Variants in MAP2K4 observed in about 807,000 individuals in gnomAD.
MAP2K4 encodes dual specificity mitogen-activated protein kinase kinase 4.
A neutral mutation model predicts 48.5 loss-of-function variants in MAP2K4; 4 were observed. The ratio of observed to expected loss-of-function variants is 0.08; its 90% CI spans 0.04 to 0.19. The LOEUF is 0.19. MAP2K4 is among the 10% of genes least tolerant of loss of function. The pLI is 1.00. For synonymous variants in MAP2K4, 166 were observed against 173.1 expected, an observed-to-expected ratio of 0.96 and a Z score of 0.32; for missense variants, 258 against 493.3, an observed-to-expected ratio of 0.52 and a Z score of 4.52.
chr17:12,085,336 G>C (rs539561293), intron 3 of MAP2K4, among the ~76,000 whole-genome samples: 49 of 152,052 alleles, frequency 3.2e-4, no homozygotes, highest in African/African-American at 1.1e-3. Flanking sequence ...ATATTGAGCA[G>C]GTAGGTGGGA....
chr17:12,121,837 A>G (rs1476954272), intron 7 of MAP2K4, among the ~76,000 whole-genome samples: 2 of 152,186 alleles, frequency 1.3e-5, no homozygotes, highest in Admixed American at 6.5e-5. Context: ...TACTATTTGT[A>G]ATGTTTACAG....
At chr17:12,090,582 C>T (rs1485490513) in intron 3 of MAP2K4, among the ~76,000 whole-genome samples, 1 of 152,156 alleles carries the variant, frequency 6.6e-6, no homozygotes, top group Non-Finnish European at 1.5e-5. Flanking sequence ...CTTTGCCACA[C>T]TTGAGTCTTC....
intron 3 of MAP2K4, among the ~76,000 whole-genome samples, chr17:12,085,183 G>A (rs568309423): frequency 2.0e-5 from 3 of 152,220 alleles, no homozygotes; most frequent in Admixed American, 6.5e-5. Flanking sequence ...CCAAAGAAAC[G>A]TGAAAAAGTA....
In MAP2K4 at chr17:12,096,086, C is replaced by A. The variant is rs991392358; in HGVS notation, c.513+392C>A. Among the ~76,000 whole-genome samples, 53 of 52,534 alleles carry A rather than the reference C, an allele frequency of 1.0e-3. 9 individuals carry two copies. Among genetic ancestry groups the A allele is most frequent in the African/African-American group, 2.2e-3 (39 of 17,494 alleles). 34.5% of individuals were successfully genotyped at this position (52,534 alleles called of 152,430 possible). A position where few individuals can be genotyped will look rare whatever the true frequency, so the allele number is the denominator to read the frequency against. On this transcript the variant is annotated intron_variant, in intron 4 of 10. Transcript: ENST00000353533. ...AACGCCTCCCCCCCCCCCCCCCCCC[C>A]CCGCCGCCAACTTTATATTTTAACT...
intron 7 of MAP2K4, among the ~76,000 whole-genome samples, chr17:12,116,416 T>G (rs1187326980): frequency 6.6e-6 from 1 of 152,140 alleles, no homozygotes; most frequent in Non-Finnish European, 1.5e-5. Context: ...TACATGACAT[T>G]TATAAAAATT....
At chr17:12,120,580 A>G (rs1371669358) in intron 7 of MAP2K4, among the ~76,000 whole-genome samples, 1 of 145,712 alleles carries the variant, frequency 6.9e-6, no homozygotes, top group African/African-American at 2.5e-5. Context: ...AAAATGTGTA[A>G]TGGACTCATT....
chr17:12,025,909 T>C (rs1278147138), intron 1 of MAP2K4, among the ~76,000 whole-genome samples: 1 of 152,186 alleles, frequency 6.6e-6, no homozygotes, highest in Non-Finnish European at 1.5e-5. Context: ...GAGACCTTTA[T>C]CTTAATTTTA....
At chr17:12,110,487 C>A in intron 6 of MAP2K4, 61 bp downstream of exon 6, 1 of 1,191,210 alleles carries the variant, frequency 8.4e-7, no homozygotes, top group East Asian at 2.4e-5. Flanking sequence ...ATTGGTGAAA[C>A]GGTTATTGAA....
At chr17:12,088,453 A>G (rs1567653502) in intron 3 of MAP2K4, among the ~76,000 whole-genome samples, 1 of 142,492 alleles carries the variant, frequency 7.0e-6, no homozygotes, top group African/African-American at 2.6e-5. Flanking sequence ...AATATATATT[A>G]AATATTATAC....
At chr17:12,126,524 ATCT>A (rs1972858870) in intron 8 of MAP2K4, among the ~76,000 whole-genome samples, 5 of 152,188 alleles carry the variant, frequency 3.3e-5, no homozygotes, top group Admixed American at 3.3e-4. Context: ...ATAAACAGCC[ATCT>A]TCTTGTTGTA....
At chr17:12,088,685 T>C (rs1008877699) in intron 3 of MAP2K4, among the ~76,000 whole-genome samples, 3 of 147,622 alleles carry the variant, frequency 2.0e-5, no homozygotes, top group Non-Finnish European at 4.4e-5. Context: ...TATCACTCTT[T>C]ATTTTCTGTG....
chr17:12,036,883 A>G (rs1969616245), intron 1 of MAP2K4, among the ~76,000 whole-genome samples: 1 of 139,790 alleles, frequency 7.2e-6, no homozygotes, highest in Non-Finnish European at 1.6e-5. Context: ...GCTCTTTATC[A>G]CTATCCTCCC....
At chr17:12,028,614 A>G (rs1291227799) in intron 1 of MAP2K4, among the ~76,000 whole-genome samples, 1 of 152,210 alleles carries the variant, frequency 6.6e-6, no homozygotes, top group Non-Finnish European at 1.5e-5. Context: ...CATGCTTGTG[A>G]CAGAGGAAAG....
chr17:12,060,039 G>A (rs1970399453), intron 2 of MAP2K4, among the ~76,000 whole-genome samples: 1 of 152,016 alleles, frequency 6.6e-6, no homozygotes, highest in African/African-American at 2.4e-5. Context: ...TTAGCCACGT[G>A]TGATGGTGTG....
chr17:12,119,306 AAAC>A (rs1464263504), intron 7 of MAP2K4, among the ~76,000 whole-genome samples: 1 of 152,244 alleles, frequency 6.6e-6, no homozygotes, highest in Non-Finnish European at 1.5e-5. Flanking sequence ...ATAAGAAAGA[AAAC>A]AACCTCATTA....
At chr17:12,068,472 A>T (rs945073354) in intron 2 of MAP2K4, among the ~76,000 whole-genome samples, 1 of 152,198 alleles carries the variant, frequency 6.6e-6, no homozygotes, top group African/African-American at 2.4e-5. Flanking sequence ...TATTAAATTG[A>T]TGACAGTACA....
chr17:12,024,207 A>C lies in MAP2K4; in HGVS notation c.115+3206A>C, dbSNP rs937827255. On this transcript the variant is annotated intron_variant, in intron 1 of 10. Transcript: ENST00000353533. The stretch of plus-strand genomic sequence containing the variant: ...TCAAATGAATTACAATGTGAACGAT[A>C]TGAAACAGAAGTCTAGCTATCAATT... Among the ~76,000 whole-genome samples, 5 of 152,220 alleles carry C rather than the reference A, an allele frequency of 3.3e-5. No individual in the cohort carries two copies. In the South Asian group the frequency reaches 8.3e-4, roughly 25 times the overall value.
rs565635797 is a variant in MAP2K4 at position 12,081,739 on chromosome 17, G to C, written c.393+209G>C. Among the ~76,000 whole-genome samples the C allele has an allele frequency of 3.3e-5, 5 of 152,206 alleles. No homozygotes were observed. Among genetic ancestry groups the C allele is most frequent in the Non-Finnish European group, 7.3e-5 (5 of 68,036 alleles). ...CTTTGGAAACATGAGTGTATGAAGT[G>C]TGCATGTTGATTGCATTTTTGGCAT... On this transcript the variant is annotated intron_variant, in intron 3 of 10. Coordinates refer to ENST00000353533, the MANE Select transcript of MAP2K4 (RefSeq NM_003010.4). The surrounding 1 kb of genome is among the most constrained non-coding windows in gnomAD (Gnocchi z 4.2).
rs1241337469 is a variant in MAP2K4 at position 12,141,653 on chromosome 17, T to C, written c.*393T>C. 8 of 284,598 alleles carry C rather than the reference T, an allele frequency of 2.8e-5. No homozygotes were observed. Among genetic ancestry groups the C allele is most frequent in the South Asian group, 2.6e-4 (3 of 11,570 alleles). The allele number at this position is 284,598 out of a possible 1,614,324, so 17.6% of individuals were successfully genotyped here. The stretch of plus-strand genomic sequence containing the variant: ...AATCCTGGAAGGACACAGTGATGAA[T>C]GTACTATGTCTGAACATAGAAACTC... On this transcript the variant is annotated 3_prime_UTR_variant, in exon 11 of 11. Coordinates refer to ENST00000353533, the MANE Select transcript of MAP2K4 (RefSeq NM_003010.4).
Sources: allele counts gnomAD v4.1 joint callset (sites outside exome capture counted in the v4.1 genomes callset), GRCh38; gene constraint gnomAD v4.1.1; non-coding constraint Gnocchi (gnomAD v3.1); transcripts MANE v1.5; gene names NCBI Gene and HGNC (gene_info 2026-07-23, HGNC 2026-07-21).